TBCD: variants seen among roughly 807,000 people sequenced by gnomAD.
The protein encoded by TBCD is tubulin-specific chaperone D.
Under a neutral mutation model 169.3 loss-of-function variants are expected in TBCD, and 105 were observed. The observed-to-expected ratio is 0.62, with a 90% CI of 0.53 to 0.73. TBCD has a LOEUF of 0.73. Ranked by LOEUF, TBCD falls within the 30% of genes least tolerant of loss-of-function variation. TBCD has a pLI of 0.00. For synonymous variants in TBCD, 700 were observed against 643.9 expected, an observed-to-expected ratio of 1.09 and a Z score of -1.32; for missense variants, 1,444 against 1,600.1, an observed-to-expected ratio of 0.90 and a Z score of 1.66.
chr17:82,814,957 G>A (rs761072881), intron 13 of TBCD, 23 bp downstream of exon 13: 11 of 1,605,524 alleles, frequency 6.9e-6, no homozygotes, highest in Non-Finnish European at 9.3e-6. Context: ...GGCACGGTCA[G>A]GGGGGATGTC....
At chr17:82,927,066 A>T (rs552909755) in intron 28 of TBCD, 120 bp from the exon 29 acceptor site, 3 of 1,394,198 alleles carry the variant, frequency 2.2e-6, no homozygotes, top group Admixed American at 2.3e-5. Flanking sequence ...GATCTACCCG[A>T]GGGTCCTGGA....
At chr17:82,828,363 C>T (rs934995933) in intron 13 of TBCD, among the ~76,000 whole-genome samples, 2 of 121,926 alleles carry the variant, frequency 1.6e-5, no homozygotes, top group Non-Finnish European at 3.3e-5. Flanking sequence ...GACACCCACA[C>T]GATTGAATGT....
Position 82,765,781 on chromosome 17 carries a change from G to A in TBCD, c.334-486G>A, listed in dbSNP as rs114458548. 1.0e-3 allele frequency among the ~76,000 whole-genome samples: 153 copies of A among 152,282 alleles called. 2 individuals carry two copies. The highest frequency in any genetic ancestry group is 3.6e-3 in the African/African-American group (149 of 41,560). ...ATGAACATATTTAATGACTGATTCC[G>A]TAAATATGGTAATGAATAACACTAC... On this transcript the variant is annotated intron_variant, in intron 3 of 38. Coordinates refer to ENST00000355528, the MANE Select transcript of TBCD (RefSeq NM_005993.5).
At chr17:82,852,327 C>G (rs955731289) in intron 13 of TBCD, among the ~76,000 whole-genome samples, 1 of 152,168 alleles carries the variant, frequency 6.6e-6, no homozygotes, top group Non-Finnish European at 1.5e-5. Context: ...TTTTCTTTTC[C>G]TTGTTGAAGC....
Position 82,864,470 on chromosome 17 carries a change from G to T in TBCD, c.1319-5754G>T, listed in dbSNP as rs1260954606. 6.6e-6 allele frequency: 1 copy of T among 152,264 alleles called. No homozygotes were observed. Among genetic ancestry groups the T allele is most frequent in the Non-Finnish European group, 1.5e-5 (1 of 68,074 alleles). 9.4% of individuals were successfully genotyped at this position (152,264 alleles called of 1,614,324 possible). On this transcript the variant is annotated intron_variant, in intron 13 of 38. Coordinates refer to ENST00000355528, the MANE Select transcript of TBCD (RefSeq NM_005993.5). This position sits in a 1 kb window ranked among gnomAD's most constrained non-coding sequence, Gnocchi z 6.3. ...GTGACAGTTGGGTGACCCGGGCTCT[G>T]TGTCTTCGTGTTGGCCAGGGTGTGT...
At chr17:82,763,090 G>A (rs1417975940) in intron 2 of TBCD, among the ~76,000 whole-genome samples, 3 of 152,156 alleles carry the variant, frequency 2.0e-5, no homozygotes, top group Non-Finnish European at 2.9e-5. Context: ...TGATAGTGCT[G>A]TTTAGGTTTC....
At position 82,782,289 on chromosome 17, in the gene TBCD, G is replaced by C. The variant is rs1598464456; in HGVS notation, c.771+568G>C. Among the ~76,000 whole-genome samples the C allele has an allele frequency of 2.0e-5, 3 of 152,202 alleles. No homozygotes were observed. Among genetic ancestry groups the C allele is most frequent in the African/African-American group, 2.4e-5 (1 of 41,456 alleles). ...GGAGGAAAGGTCAAGTCTCAGAAGA[G>C]GGCAAAGCCTCTTTTGGGTCAGCGT... On this transcript the variant is annotated intron_variant, in intron 7 of 38. Transcript: ENST00000355528. This position sits in a 1 kb window ranked among gnomAD's most constrained non-coding sequence, Gnocchi z 5.1.
chr17:82,842,395 C>G (rs2145477835), intron 13 of TBCD, among the ~76,000 whole-genome samples: 1 of 152,356 alleles, frequency 6.6e-6, no homozygotes, highest in Middle Eastern at 3.4e-3. Flanking sequence ...CTCCCCCTCT[C>G]TCCCTTCTCC....
At chr17:82,818,230 G>A (rs918045687) in intron 13 of TBCD, among the ~76,000 whole-genome samples, 3 of 152,194 alleles carry the variant, frequency 2.0e-5, no homozygotes, top group African/African-American at 7.2e-5. Flanking sequence ...TCTGCCTGGC[G>A]GTGCCCTCCA....
intron 6 of TBCD, among the ~76,000 whole-genome samples, chr17:82,773,722 T>C (rs571948002): frequency 1.3e-4 from 19 of 151,764 alleles, no homozygotes; most frequent in African/African-American, 4.4e-4. Flanking sequence ...TCTTTTCTTT[T>C]TCTTTCTTTT....
At chr17:82,810,018 A>G (rs1014404305) in intron 12 of TBCD, among the ~76,000 whole-genome samples, 3 of 152,144 alleles carry the variant, frequency 2.0e-5, no homozygotes, top group African/African-American at 7.2e-5. Context: ...TTAGACATAT[A>G]CCCATGTAGA....
At chr17:82,799,436 T>A in intron 8 of TBCD, among the ~76,000 whole-genome samples, 1 of 44,414 alleles carries the variant, frequency 2.3e-5, no homozygotes, top group African/African-American at 9.8e-5. Flanking sequence ...AGCAAGACTC[T>A]GTCTCAAAAA....
intron 10 of TBCD, among the ~76,000 whole-genome samples, chr17:82,807,200 G>A (rs866559504): frequency 6.6e-6 from 1 of 152,222 alleles, no homozygotes; most frequent in South Asian, 2.1e-4. Context: ...TCAGCCTGCC[G>A]CCAAGGCCTG....
rs1182252945 is a variant in TBCD at position 82,905,919 on chromosome 17, G to C, written c.1805-17G>C. 1 of 1,597,282 alleles carries C rather than the reference G, an allele frequency of 6.3e-7. No homozygotes were observed. Among genetic ancestry groups the C allele is most frequent in the Non-Finnish European group, 8.5e-7 (1 of 1,169,784 alleles). On this transcript the variant is annotated splice_polypyrimidine_tract_variant and intron_variant, in intron 19 of 38. Transcript: ENST00000355528. ...TGTACACACCCTCACCTGCCCTCTC[G>C]GCCCTGTCTCTTGCAGTCTTCCCGA...
chr17:82,920,483 C>A lies in TBCD; in HGVS notation c.2039-73C>A, dbSNP rs1599562206. On this transcript the variant is annotated intron_variant, in intron 23 of 38. Coordinates refer to ENST00000355528, the MANE Select transcript of TBCD (RefSeq NM_005993.5). The surrounding 1 kb of genome is among the most constrained non-coding windows in gnomAD (Gnocchi z 4.1). ...TGGCCGCACACAACTCAGAATGTGG[C>A]AAAGGCAAGCCGCTGTGGCAGGCGC... The A allele has an allele frequency of 7.4e-7, 1 of 1,352,244 alleles. No individual in the cohort carries two copies. The highest frequency in any genetic ancestry group is 1.0e-6 in the Non-Finnish European group (1 of 989,170). 83.8% of individuals were successfully genotyped at this position (1,352,244 alleles called of 1,614,324 possible). A position where few individuals can be genotyped will look rare whatever the true frequency, so the allele number is the denominator to read the frequency against.
chr17:82,857,420 T>C (rs2145752673), intron 13 of TBCD, among the ~76,000 whole-genome samples: 1 of 152,364 alleles, frequency 6.6e-6, no homozygotes, highest in East Asian at 1.9e-4. Context: ...GTCTTTTTTT[T>C]TCTTTTGATA....
At position 82,789,593 on chromosome 17, in the gene TBCD, C is replaced by T. The variant is rs1398971918; in HGVS notation, c.771+7872C>T. Reference sequence around the variant, plus strand: ...CTGTGCAGGTTGGGGTGCCCCTGCCCTCTCCCCTGCCCCGCCCTCACCTGG... The same window carrying T: ...CTGTGCAGGTTGGGGTGCCCCTGCCTTCTCCCCTGCCCCGCCCTCACCTGG... On this transcript the variant is annotated intron_variant, in intron 7 of 38. Transcript: ENST00000355528. This position sits in a 1 kb window ranked among gnomAD's most constrained non-coding sequence, Gnocchi z 4.8. 6.6e-6 allele frequency among the ~76,000 whole-genome samples: 1 copy of T among 152,200 alleles called. No individual in the cohort carries two copies. The highest frequency in any genetic ancestry group is 2.4e-5 in the African/African-American group (1 of 41,456).
intron 13 of TBCD, among the ~76,000 whole-genome samples, chr17:82,815,840 G>A (rs1221141250): frequency 6.6e-6 from 1 of 152,142 alleles, no homozygotes; most frequent in Non-Finnish European, 1.5e-5. Context: ...TTTAGAGCCT[G>A]CAGTTCTTTT....
chr17:82,851,129 G>A (rs899567860), intron 13 of TBCD, among the ~76,000 whole-genome samples: 9 of 152,158 alleles, frequency 5.9e-5, no homozygotes, highest in East Asian at 3.9e-4. Flanking sequence ...ACTCACTGGC[G>A]GACAGATGGT....
Sources: gnomAD v4.1 joint callset for allele counts (sites outside exome capture counted in the v4.1 genomes callset) on GRCh38, gnomAD v4.1.1 for gene constraint, Gnocchi (gnomAD v3.1) non-coding constraint, MANE v1.5 for transcripts, NCBI Gene and HGNC (gene_info 2026-07-23, HGNC 2026-07-21) for gene names.